Variants in GNE observed in about 807,000 individuals in gnomAD.
GNE encodes glucosamine (UDP-N-acetyl)-2-epimerase/N-acetylmannosamine kinase, also known as bifunctional UDP-N-acetylglucosamine 2-epimerase/N-acetylmannosamine kinase.
A neutral mutation model predicts 61.8 loss-of-function variants in GNE; 41 were observed. That is an observed-to-expected ratio of 0.66 (90% CI 0.52 to 0.86). GNE has a LOEUF of 0.86. Among genes scored for constraint, GNE ranks in the 40% least tolerant of loss-of-function variants. GNE has a pLI of 0.00. For synonymous variants in GNE, 264 were observed against 326.4 expected, an observed-to-expected ratio of 0.81 and a Z score of 2.06; for missense variants, 608 against 909.1, an observed-to-expected ratio of 0.67 and a Z score of 4.26.
chr9:36,254,262 CAT>C (rs1277696659), intron 1 of GNE, among the ~76,000 whole-genome samples: 67 of 151,830 alleles, frequency 4.4e-4, no homozygotes, highest in African/African-American at 1.6e-3. Context: ...CATGGTGGCT[CAT>C]GCCTGTAATC....
At chr9:36,273,270 G>A (rs1294543304) in intron 1 of GNE, among the ~76,000 whole-genome samples, 3 of 149,362 alleles carry the variant, frequency 2.0e-5, no homozygotes, top group African/African-American at 7.4e-5. Context: ...CAGGCAGAGT[G>A]CAGTGGTGCG....
At chr9:36,272,925 A>T (rs1273883518) in intron 1 of GNE, among the ~76,000 whole-genome samples, 102 of 148,270 alleles carry the variant, frequency 6.9e-4, no homozygotes, top group African/African-American at 1.8e-3. Context: ...TACAAAAAAA[A>T]AAAAAAAAAA....
chr9:36,225,544 A>G (rs556742190), intron 7 of GNE, among the ~76,000 whole-genome samples: 2 of 152,270 alleles, frequency 1.3e-5, no homozygotes, highest in South Asian at 2.1e-4. Flanking sequence ...CTGAAGCACA[A>G]AAATCACTTG....
At chr9:36,275,086 A>G (rs556672630) in intron 1 of GNE, among the ~76,000 whole-genome samples, 1 of 152,258 alleles carries the variant, frequency 6.6e-6, no homozygotes, top group Admixed American at 6.5e-5. Context: ...TCTCAGTCCA[A>G]ACCCAAATAT....
rs1357906793 is a variant in GNE at position 36,246,075 on chromosome 9, G to C, written c.572C>G (p.Ser191Ter). The part of the protein sequence containing the change: ...AGCPSYDKLL[S>*]AKNKDYMSII... ...GCTCATGTAGTCTTTGTTCTTGGCT[G>C]AGAGAAGTTTGTCATAGGAAGGGCA... Residue 191 changes from serine to a stop codon, truncating the protein, a stop_gained, in exon 3 of 12, where the codon TCA becomes TGA. Transcript: ENST00000642385. LOFTEE classifies it high-confidence loss of function. 1.9e-6 allele frequency: 3 copies of C among 1,614,054 alleles called. No homozygotes were observed. The African/African-American group carries it at 4.0e-5, about 22-fold the overall frequency.
upstream of GNE, among the ~76,000 whole-genome samples, chr9:36,262,437 A>G (rs982290664): frequency 1.3e-5 from 2 of 152,080 alleles, no homozygotes; most frequent in African/African-American, 4.8e-5. Flanking sequence ...TCACTTTCCT[A>G]TGGGTAAATA....
intron 1 of GNE, among the ~76,000 whole-genome samples, chr9:36,263,762 C>T (rs1830682042): frequency 6.6e-6 from 1 of 152,088 alleles, no homozygotes; most frequent in African/African-American, 2.4e-5. Flanking sequence ...AAGTAAAAAC[C>T]GTCACTAAAT....
In GNE at chr9:36,217,611, A is replaced by C. The variant is rs906556699; in HGVS notation, c.1934-11T>G. 23 of 1,569,022 alleles carry C rather than the reference A, an allele frequency of 1.5e-5. No homozygotes were observed. Among genetic ancestry groups the C allele is most frequent in the Non-Finnish European group, 1.8e-5 (21 of 1,139,578 alleles). ...CCAAAGCTGTTCCAGCTATAGGGAG[A>C]CAAAAATTAAAATGAGTTTCTGAGA... On this transcript the variant is annotated splice_polypyrimidine_tract_variant and intron_variant, in intron 11 of 11. Transcript: ENST00000642385.
chr9:36,224,313 A>C (rs1396415381), intron 7 of GNE, among the ~76,000 whole-genome samples: 2 of 152,080 alleles, frequency 1.3e-5, no homozygotes, highest in Non-Finnish European at 1.5e-5. Context: ...ACATGCCTGT[A>C]GTCCCAACTA....
intron 1 of GNE, among the ~76,000 whole-genome samples, chr9:36,274,414 A>T (rs1025046609): frequency 2.0e-5 from 3 of 152,040 alleles, no homozygotes; most frequent in African/African-American, 7.2e-5. Flanking sequence ...TTTGTTAAAT[A>T]TTTAGCGGTG....
chr9:36,234,829 A>C (rs1339323812), intron 4 of GNE, among the ~76,000 whole-genome samples: 1 of 152,138 alleles, frequency 6.6e-6, no homozygotes, highest in Non-Finnish European at 1.5e-5. Flanking sequence ...CCACTCATTT[A>C]ACCAAAGCTG....
intron 6 of GNE, among the ~76,000 whole-genome samples, chr9:36,228,157 T>G (rs1346673786): frequency 3.3e-5 from 5 of 151,786 alleles, no homozygotes; most frequent in Non-Finnish European, 1.5e-5. Context: ...ATCTGTCAAT[T>G]AAAAGTTAAA....
At chr9:36,246,007 C>G in intron 3 of GNE, 24 bp downstream of exon 3, 1 of 1,572,126 alleles carries the variant, frequency 6.4e-7, no homozygotes, top group South Asian at 1.1e-5. Context: ...AGCCATTAGA[C>G]TGACTAAAGT....
intron 1 of GNE, among the ~76,000 whole-genome samples, chr9:36,249,797 T>C (rs188921380): frequency 0.011 from 1,680 of 151,326 alleles, 32 homozygotes; most frequent in African/African-American, 0.037. Context: ...GGCAGAAGAA[T>C]GGCGTGAACC....
intron 6 of GNE, among the ~76,000 whole-genome samples, chr9:36,228,463 T>C (rs1351750762): frequency 6.6e-6 from 1 of 151,996 alleles, no homozygotes; most frequent in Non-Finnish European, 1.5e-5. Context: ...GAAGGTTAAA[T>C]AAGTGTAGCA....
chr9:36,228,406 T>A (rs925150521), intron 6 of GNE, among the ~76,000 whole-genome samples: 18 of 151,878 alleles, frequency 1.2e-4, no homozygotes, highest in Non-Finnish European at 1.8e-4. Flanking sequence ...CTAGACTTTT[T>A]AAAAAAAATC....
At chr9:36,267,936 A>G (rs1830870364) in intron 1 of GNE, 1 of 152,042 alleles carries the variant, frequency 6.6e-6, no homozygotes, top group Non-Finnish European at 1.5e-5. Context: ...GGAGTTCGAG[A>G]CCAGCCTAGG....
rs570203456 is a variant in GNE, at chr9:36,275,895, G to A, written c.51+999C>T. Among the ~76,000 whole-genome samples, 107 of 152,302 alleles carry A rather than the reference G, an allele frequency of 7.0e-4. 1 individual carries two copies. The highest frequency in any genetic ancestry group is 2.4e-3 in the African/African-American group (99 of 41,556). On this transcript the variant is annotated intron_variant, in intron 1 of 11. Transcript: ENST00000396594. The stretch of plus-strand genomic sequence containing the variant: ...TGATTGAAAAGTTTTTATAAGGCCA[G>A]GTACAGGGGCTCAACGCCTGTAATC...
At chr9:36,229,806 C>G (rs1176954178) in intron 5 of GNE, among the ~76,000 whole-genome samples, 1 of 152,016 alleles carries the variant, frequency 6.6e-6, no homozygotes, top group African/African-American at 2.4e-5. Context: ...AGGAGAGACA[C>G]CCACACCCAC....
Sources: gnomAD v4.1 joint callset for allele counts (sites outside exome capture counted in the v4.1 genomes callset) on GRCh38, gnomAD v4.1.1 for gene constraint, MANE v1.5 for transcripts, NCBI Gene and HGNC (gene_info 2026-07-23, HGNC 2026-07-21) for gene names.